ANK2: variants seen among roughly 807,000 people sequenced by gnomAD.
ANK2 encodes ankyrin 2, also known as ankyrin-2.
In ANK2, 83 loss-of-function variants were observed where a neutral mutation model predicts 360.5. The observed-to-expected ratio is 0.23, with a 90% CI of 0.19 to 0.28. The LOEUF (loss-of-function observed/expected upper bound fraction) is 0.28, where lower values mean the gene tolerates loss of function less well. Among genes scored for constraint, ANK2 ranks in the 10% least tolerant of loss-of-function variants. The probability of loss-of-function intolerance (pLI) is 1.00; values close to 1 mark genes in which losing one functional copy is unlikely to be tolerated. For missense variants in ANK2, 4,201 were observed against 4,795.7 expected, an observed-to-expected ratio of 0.88 and a Z score of 3.66; for synonymous variants, 1,740 against 1,759.5, an observed-to-expected ratio of 0.99 and a Z score of 0.28.
At chr4:112,941,425 A>G (rs958633069) in intron 2 of ANK2, among the ~76,000 whole-genome samples, 22 of 144,766 alleles carry the variant, frequency 1.5e-4, no homozygotes, top group Non-Finnish European at 2.7e-4. Context: ...TTAAAAAGAT[A>G]TATTTTTTGT....
At chr4:113,170,956 TG>T (rs932101330) in intron 1 of ANK2, among the ~76,000 whole-genome samples, 2 of 152,190 alleles carry the variant, frequency 1.3e-5, no homozygotes, top group Non-Finnish European at 2.9e-5. Context: ...CAGCACAATT[TG>T]TTTTAGGATT....
At chr4:113,126,629 G>A (rs2095676518) in intron 1 of ANK2, among the ~76,000 whole-genome samples, 1 of 152,172 alleles carries the variant, frequency 6.6e-6, no homozygotes, top group Non-Finnish European at 1.5e-5. Context: ...GTGGGTGGGA[G>A]AGAGAAAAGC....
intron 1 of ANK2, among the ~76,000 whole-genome samples, chr4:113,147,618 G>A (rs1393747849): frequency 6.6e-6 from 1 of 152,134 alleles, no homozygotes; most frequent in African/African-American, 2.4e-5. Flanking sequence ...CTTTGGCCAT[G>A]GAGAAAAAGA....
chr4:112,836,472 A>G (rs1374962998), intron 1 of ANK2, among the ~76,000 whole-genome samples: 4 of 152,182 alleles, frequency 2.6e-5, no homozygotes, highest in Non-Finnish European at 1.5e-5. Context: ...GAACTGGGTA[A>G]CAGGTAGAGT....
intron 4 of ANK2, among the ~76,000 whole-genome samples, chr4:113,231,757 C>T (rs1451394701): frequency 1.3e-5 from 2 of 152,068 alleles, no homozygotes; most frequent in Non-Finnish European, 2.9e-5. Flanking sequence ...GCATGCGCCA[C>T]CACGCCCGGC....
intron 9 of ANK2, among the ~76,000 whole-genome samples, chr4:113,244,104 T>C (rs1182952183): frequency 6.6e-6 from 1 of 152,202 alleles, no homozygotes; most frequent in African/African-American, 2.4e-5. Flanking sequence ...AGAAATGGAT[T>C]CTTATACTAG....
rs754371069 is a variant in ANK2, at chr4:113,274,664, A to G, written c.1683+15A>G. ...TAGCTACCAAGGTAAGGAGAATGAC[A>G]TCATGAGAACATGGACCAAGAGGAT... is the stretch of plus-strand genomic sequence containing the variant. On this transcript the variant is annotated intron_variant, in intron 15 of 45. Transcript: ENST00000357077. 3.1e-5 allele frequency: 50 copies of G among 1,613,280 alleles called. No individual in the cohort carries two copies. In the Admixed American group the frequency reaches 3.3e-4, roughly 11 times the overall value.
At chr4:112,958,296 T>TG (rs2032168132) in intron 2 of ANK2, among the ~76,000 whole-genome samples, 1 of 152,196 alleles carries the variant, frequency 6.6e-6, no homozygotes, top group Non-Finnish European at 1.5e-5. Flanking sequence ...CACTCCAGCC[T>TG]GGGCACCATT....
chr4:112,890,026 C>T (rs188528111), intron 1 of ANK2, among the ~76,000 whole-genome samples: 1 of 152,272 alleles, frequency 6.6e-6, no homozygotes, highest in Non-Finnish European at 1.5e-5. Flanking sequence ...CAAAGACATG[C>T]TATGAGGAGA....
chr4:113,216,981 A>G (rs546930265), intron 4 of ANK2: 2 of 152,194 alleles, frequency 1.3e-5, no homozygotes, highest in East Asian at 3.9e-4. Flanking sequence ...ACACTCTACA[A>G]TTTTCACGAT....
At chr4:112,908,879 T>G (rs2086162944) in intron 2 of ANK2, among the ~76,000 whole-genome samples, 1 of 152,180 alleles carries the variant, frequency 6.6e-6, no homozygotes, top group Non-Finnish European at 1.5e-5. Flanking sequence ...GAACCACACA[T>G]TAAGATCTGT....
intron 2 of ANK2, among the ~76,000 whole-genome samples, chr4:112,939,270 T>C (rs183368151): frequency 7.9e-4 from 121 of 152,312 alleles, no homozygotes; most frequent in African/African-American, 2.4e-3. Flanking sequence ...CTACAAATTT[T>C]AAAAAGTATC....
intron 1 of ANK2, among the ~76,000 whole-genome samples, chr4:113,135,616 G>A (rs1042258606): frequency 6.6e-6 from 1 of 151,800 alleles, no homozygotes; most frequent in South Asian, 2.1e-4. Flanking sequence ...CCTGACATTA[G>A]CAATGATTAC....
intron 2 of ANK2, among the ~76,000 whole-genome samples, chr4:112,911,188 C>CTTTTTTTTTTTTTTTTTTTTTT (rs751581640): frequency 1.4e-5 from 1 of 74,016 alleles, no homozygotes; most frequent in East Asian, 4.8e-4. Context: ...CAAGATGGTG[C>CTTTTTTTTTTTTTTTTTTTTTT]TTTTTTTTTT....
chr4:113,328,240 G>T (rs2091030835), intron 26 of ANK2, among the ~76,000 whole-genome samples: 1 of 151,914 alleles, frequency 6.6e-6, no homozygotes, highest in Non-Finnish European at 1.5e-5. Context: ...GTGCACCAAT[G>T]GAGGCAGCAA....
At chr4:112,963,244 T>C (rs1030345570) in intron 2 of ANK2, among the ~76,000 whole-genome samples, 1 of 152,112 alleles carries the variant, frequency 6.6e-6, no homozygotes, top group Admixed American at 6.5e-5. Context: ...TTGGTTTTTC[T>C]TGGTTGACTC....
intron 2 of ANK2, among the ~76,000 whole-genome samples, chr4:113,040,849 G>A (rs2062772893): frequency 6.6e-6 from 1 of 151,982 alleles, no homozygotes; most frequent in Non-Finnish European, 1.5e-5. Flanking sequence ...ATGTTTTTGG[G>A]TCTTGTTCCC....
At chr4:112,716,812 A>G in the ANK2 span, among the ~76,000 whole-genome samples, 2 of 152,208 alleles carry the variant, frequency 1.3e-5, no homozygotes, top group Non-Finnish European at 2.9e-5. Flanking sequence ...AACATCACAT[A>G]TTTATAGATG....
chr4:113,243,258 T>A lies in ANK2; in HGVS notation c.891+1049T>A, dbSNP rs114503407. On this transcript the variant is annotated intron_variant, in intron 9 of 45. Coordinates refer to ENST00000357077, the MANE Select transcript of ANK2 (RefSeq NM_001148.6). ...CCTATGAAAGATGATAAATAGAATA[T>A]GTCTCTTATGGTATTTTACTTCACT... Among the ~76,000 whole-genome samples, 350 of 152,348 alleles carry A rather than the reference T, an allele frequency of 2.3e-3. 2 individuals carry two copies. The highest frequency in any genetic ancestry group is 3.7e-3 in the Non-Finnish European group (255 of 68,026).
Sources: allele counts gnomAD v4.1 joint callset (sites outside exome capture counted in the v4.1 genomes callset), GRCh38; gene constraint gnomAD v4.1.1; transcripts MANE v1.5; gene names NCBI Gene and HGNC (gene_info 2026-07-23, HGNC 2026-07-21).